The following TAF4B variants were observed in gnomAD, a reference collection of about 807,000 sequenced individuals.
The protein encoded by TAF4B is TATA-box binding protein associated factor 4b.
A neutral mutation model predicts 86.4 loss-of-function variants in TAF4B; 38 were observed. The ratio of observed to expected loss-of-function variants is 0.44; its 90% CI spans 0.34 to 0.58. The LOEUF (loss-of-function observed/expected upper bound fraction) is 0.58. Ranked by LOEUF, TAF4B falls within the 20% of genes least tolerant of loss-of-function variation. The pLI is 0.02. For missense variants in TAF4B, 988 were observed against 1,027.6 expected (o/e 0.96, Z 0.53); for synonymous variants, 388 against 391.2 (o/e 0.99, Z 0.10).
At chr18:26,370,624 C>T (rs2057400134) in intron 14 of TAF4B, among the ~76,000 whole-genome samples, 1 of 152,112 alleles carries the variant, frequency 6.6e-6, no homozygotes, top group Non-Finnish European at 1.5e-5. Flanking sequence ...GTTCCAGCAG[C>T]CCCCAGAGAA....
chr18:26,375,075 G>A (rs555533615), intron 14 of TAF4B, among the ~76,000 whole-genome samples: 153 of 152,200 alleles, frequency 1.0e-3, no homozygotes, highest in African/African-American at 3.4e-3. Flanking sequence ...TTGGCCATTA[G>A]CAGTCATCCT....
At chr18:26,279,437 T>C (rs953397846) in intron 5 of TAF4B, among the ~76,000 whole-genome samples, 3 of 151,962 alleles carry the variant, frequency 2.0e-5, no homozygotes, top group African/African-American at 7.3e-5. Context: ...ACAGATTCAA[T>C]GTTACTCCTG....
rs973733215 is a variant in TAF4B at position 26,233,229 on chromosome 18, C to G, written c.343+5953C>G. The stretch of plus-strand genomic sequence containing the variant: ...AGCGGCTGGGAAGGGGTGTTGGGAG[C>G]AAACTGAGTGGCTCTCTGTGTTCTA... On this transcript the variant is annotated intron_variant, in intron 1 of 14. Transcript: ENST00000269142. Among the ~76,000 whole-genome samples the G allele has an allele frequency of 3.3e-5, 5 of 152,124 alleles. No individual in the cohort carries two copies. In the South Asian group the frequency reaches 8.3e-4, roughly 25 times the overall value.
At chr18:26,315,516 G>A in intron 10 of TAF4B, 118 bp downstream of exon 10, 1 of 632,908 alleles carries the variant, frequency 1.6e-6, no homozygotes, top group East Asian at 2.9e-5. Flanking sequence ...TAAGATTCTA[G>A]AAATAATCAA....
chr18:26,327,181 G>C, intron 12 of TAF4B, 41 bp downstream of exon 12: 1 of 1,597,234 alleles, frequency 6.3e-7, no homozygotes, highest in Non-Finnish European at 8.5e-7. Context: ...TGGCCTGGCA[G>C]TGTGGTCAGA....
chr18:26,325,524 A>G (rs571653372), intron 11 of TAF4B, among the ~76,000 whole-genome samples: 2 of 152,302 alleles, frequency 1.3e-5, no homozygotes, highest in South Asian at 4.1e-4. Context: ...AGAAAAAAGG[A>G]TGCGAATGTC....
At position 26,252,157 on chromosome 18, in the gene TAF4B, G is replaced by A. The variant is rs185068697; in HGVS notation, c.344-13013G>A. Among the ~76,000 whole-genome samples the A allele has an allele frequency of 3.9e-5, 6 of 152,204 alleles. No homozygotes were observed. In the East Asian group the frequency reaches 5.8e-4, roughly 15 times the overall value. On this transcript the variant is annotated intron_variant, in intron 1 of 14. Coordinates refer to ENST00000269142, the MANE Select transcript of TAF4B (RefSeq NM_005640.3). ...TTACTTTCAACATACGTTTTTCAAC[G>A]TGTTTTTTACATGTTGAAAGTAATT...
chr18:26,343,754 T>C (rs1333477321), intron 13 of TAF4B, among the ~76,000 whole-genome samples: 1 of 152,194 alleles, frequency 6.6e-6, no homozygotes, highest in Non-Finnish European at 1.5e-5. Flanking sequence ...ACTTTTCATA[T>C]ACACGAGTTC....
intron 1 of TAF4B, among the ~76,000 whole-genome samples, chr18:26,257,741 T>C (rs376449295): frequency 1.3e-5 from 2 of 152,282 alleles, no homozygotes; most frequent in South Asian, 4.1e-4. Context: ...GCTTACAATA[T>C]GAACCTCATT....
At chr18:26,320,937 A>G in intron 10 of TAF4B, 133 bp from the exon 11 acceptor site, 1 of 1,083,050 alleles carries the variant, frequency 9.2e-7, no homozygotes, top group Admixed American at 2.5e-5. Flanking sequence ...TGACTTTACT[A>G]GGAAAATCAT....
chr18:26,320,283 C>T (rs1375522351), intron 10 of TAF4B, among the ~76,000 whole-genome samples: 1 of 152,126 alleles, frequency 6.6e-6, no homozygotes. Flanking sequence ...TAGATTTAAG[C>T]CTCTGTTGAT....
chr18:26,282,147 A>G lies in TAF4B; in HGVS notation c.972+87A>G, dbSNP rs951694996. 7.2e-6 allele frequency: 8 copies of G among 1,114,394 alleles called. No homozygotes were observed. In the Admixed American group the frequency reaches 8.1e-5, roughly 11 times the overall value. 69.0% of individuals were successfully genotyped at this position (1,114,394 alleles called of 1,614,324 possible). A position where few individuals can be genotyped will look rare whatever the true frequency, so the allele number is the denominator to read the frequency against. On this transcript the variant is annotated intron_variant, in intron 6 of 14. Coordinates refer to ENST00000269142, the MANE Select transcript of TAF4B (RefSeq NM_005640.3). ...ATGGGAATATTTCAATATGACAGCA[A>G]TTGAATGTGAAGATACTGACAGTGT...
At chr18:26,302,981 A>T (rs1185722774) in intron 9 of TAF4B, among the ~76,000 whole-genome samples, 2 of 152,090 alleles carry the variant, frequency 1.3e-5, no homozygotes, top group African/African-American at 4.8e-5. Flanking sequence ...ATTTCAAAAG[A>T]AGTTTTATAT....
chr18:26,265,101 A>G, intron 1 of TAF4B, 69 bp from the exon 2 acceptor site: 1 of 1,491,574 alleles, frequency 6.7e-7, no homozygotes, highest in African/African-American at 1.4e-5. Flanking sequence ...AAATGGGAGA[A>G]GAAAATATGT....
chr18:26,296,281 T>G (rs1568135455), intron 9 of TAF4B, among the ~76,000 whole-genome samples: 1 of 152,212 alleles, frequency 6.6e-6, no homozygotes, highest in Non-Finnish European at 1.5e-5. Context: ...TTTTTGCCTT[T>G]TATTCCTTCC....
chr18:26,386,592 G>A (rs927796345), intron 14 of TAF4B, among the ~76,000 whole-genome samples: 1 of 152,056 alleles, frequency 6.6e-6, no homozygotes, highest in Non-Finnish European at 1.5e-5. Flanking sequence ...CTCCCCCATG[G>A]GAACTCACTC....
chr18:26,227,125 C>T lies in TAF4B; in HGVS notation c.192C>T (p.Ser64=). Residue 64 remains serine (S), a synonymous_variant, in exon 1 of 15, where the codon TCC becomes TCT. Coordinates refer to ENST00000269142, the MANE Select transcript of TAF4B (RefSeq NM_005640.3). The part of the protein sequence containing the change: ...VEPTASQPLR[S]PVGTLVTKVA... ...CCACGGCGTCCCAGCCCCTGCGGTC[C>T]CCCGTGGGGACCCTGGTGACCAAAG... The T allele has an allele frequency of 6.2e-7, 1 of 1,613,544 alleles. No homozygotes were observed. Among genetic ancestry groups the T allele is most frequent in the Non-Finnish European group, 8.5e-7 (1 of 1,179,806 alleles).
chr18:26,320,752 C>T (rs747356728), intron 10 of TAF4B, among the ~76,000 whole-genome samples: 10 of 152,102 alleles, frequency 6.6e-5, no homozygotes, highest in Non-Finnish European at 1.2e-4. Context: ...GTACTAATTT[C>T]TGCAGTTACC....
intron 13 of TAF4B, among the ~76,000 whole-genome samples, chr18:26,337,998 T>C (rs140562312): frequency 6.6e-6 from 1 of 152,330 alleles, no homozygotes; most frequent in Non-Finnish European, 1.5e-5. Flanking sequence ...GGCTATCTTA[T>C]AAATGCAGAA....
Sources: allele counts gnomAD v4.1 joint callset (sites outside exome capture counted in the v4.1 genomes callset), GRCh38; gene constraint gnomAD v4.1.1; transcripts MANE v1.5; gene names NCBI Gene and HGNC (gene_info 2026-07-23, HGNC 2026-07-21).